The following PCLO variants were observed in gnomAD, a reference collection of about 807,000 sequenced individuals.
The protein encoded by PCLO is protein piccolo.
A neutral mutation model predicts 427.5 loss-of-function variants in PCLO; 82 were observed. The observed-to-expected ratio is 0.19, with a 90% CI of 0.16 to 0.23. PCLO has a LOEUF of 0.23. PCLO is among the 10% of genes least tolerant of loss of function. PCLO has a pLI of 1.00. For missense variants in PCLO, 6,239 were observed against 6,115.9 expected (o/e 1.02, Z -0.67); for synonymous variants, 2,357 against 2,155.4 (o/e 1.09, Z -2.59).
chr7:82,798,659 ATAT>A (rs1375147300), intron 22 of PCLO, among the ~76,000 whole-genome samples: 11 of 152,144 alleles, frequency 7.2e-5, no homozygotes, highest in East Asian at 5.8e-4. Context: ...TGAAAGTCTA[ATAT>A]TATTGCAGTT....
intron 10 of PCLO, among the ~76,000 whole-genome samples, chr7:82,869,049 A>T (rs1793166017): frequency 6.6e-6 from 1 of 152,128 alleles, no homozygotes; most frequent in Non-Finnish European, 1.5e-5. Flanking sequence ...GTTATAACAC[A>T]GACAACTAGG....
At chr7:82,774,721 A>G (rs1220727037) in intron 22 of PCLO, among the ~76,000 whole-genome samples, 1 of 152,192 alleles carries the variant, frequency 6.6e-6, no homozygotes, top group African/African-American at 2.4e-5. Context: ...ATTTGTTACA[A>G]TTGATACACC....
At chr7:83,119,318 G>A (rs1008687978) in intron 3 of PCLO, among the ~76,000 whole-genome samples, 1 of 152,148 alleles carries the variant, frequency 6.6e-6, no homozygotes, top group African/African-American at 2.4e-5. Flanking sequence ...CCAGCACAGA[G>A]AGAGAGGCTC....
chr7:82,774,581 A>C (rs1227747781), intron 22 of PCLO, among the ~76,000 whole-genome samples: 1 of 152,106 alleles, frequency 6.6e-6, no homozygotes. Context: ...AATTTTTTTA[A>C]AGATTGGTTT....
intron 3 of PCLO, among the ~76,000 whole-genome samples, chr7:82,996,656 T>C (rs1202655272): frequency 6.6e-6 from 1 of 152,048 alleles, no homozygotes; most frequent in Non-Finnish European, 1.5e-5. Flanking sequence ...GATTTTCACA[T>C]GGTTTCTTTG....
intron 22 of PCLO, among the ~76,000 whole-genome samples, chr7:82,781,468 G>A (rs1240994860): frequency 1.1e-5 from 1 of 92,350 alleles, no homozygotes; most frequent in Non-Finnish European, 2.2e-5. Context: ...CCCCCAACAG[G>A]CCCTGATGTG....
intron 3 of PCLO, among the ~76,000 whole-genome samples, chr7:83,061,079 C>T (rs1398554845): frequency 6.6e-6 from 1 of 152,114 alleles, no homozygotes; most frequent in African/African-American, 2.4e-5. Context: ...CATTTAGTGG[C>T]TTGAAACAAC....
At chr7:83,053,641 G>A (rs1183361097) in intron 3 of PCLO, among the ~76,000 whole-genome samples, 1 of 151,766 alleles carries the variant, frequency 6.6e-6, no homozygotes, top group Non-Finnish European at 1.5e-5. Flanking sequence ...ATTGACCAGG[G>A]AATTGAGCCA....
At chr7:82,784,204 A>G (rs1357261976) in intron 22 of PCLO, among the ~76,000 whole-genome samples, 1 of 152,060 alleles carries the variant, frequency 6.6e-6, no homozygotes, top group Non-Finnish European at 1.5e-5. Flanking sequence ...GTCCCACACC[A>G]TGTTGTGAGA....
At chr7:82,903,149 G>A (rs1044528006) in intron 8 of PCLO, among the ~76,000 whole-genome samples, 3 of 152,048 alleles carry the variant, frequency 2.0e-5, no homozygotes, top group South Asian at 2.1e-4. Flanking sequence ...CAGCAATTAA[G>A]TTGTGCCGGG....
intron 3 of PCLO, among the ~76,000 whole-genome samples, chr7:83,066,548 C>A (rs1017922090): frequency 7.9e-5 from 12 of 152,102 alleles, no homozygotes; most frequent in African/African-American, 2.9e-4. Flanking sequence ...AATTTTAATT[C>A]ATTTTTATTT....
At chr7:83,048,795 A>G (rs1789163449) in intron 3 of PCLO, among the ~76,000 whole-genome samples, 1 of 152,104 alleles carries the variant, frequency 6.6e-6, no homozygotes, top group African/African-American at 2.4e-5. Context: ...AAAGAGCACC[A>G]TATTACAAAG....
chr7:83,024,739 C>G (rs2116085292), intron 3 of PCLO, among the ~76,000 whole-genome samples: 1 of 152,282 alleles, frequency 6.6e-6, no homozygotes, highest in Admixed American at 6.5e-5. Flanking sequence ...GTGGTTCTCC[C>G]AGTACGCAGC....
At chr7:82,951,770 AAAG>A in intron 5 of PCLO, 83 bp downstream of exon 5, 2 of 1,498,590 alleles carry the variant, frequency 1.3e-6, no homozygotes, top group African/African-American at 1.4e-5. Flanking sequence ...CAAAACTGGA[AAAG>A]AAGCCACATT....
intron 22 of PCLO, among the ~76,000 whole-genome samples, chr7:82,776,826 C>CTA (rs1352737048): frequency 1.4e-3 from 88 of 64,696 alleles, no homozygotes; most frequent in Non-Finnish European, 1.1e-3. Flanking sequence ...CTCTCTCTCT[C>CTA]TCTATATATA....
chr7:83,146,096 T>C (rs1262446303), intron 2 of PCLO, among the ~76,000 whole-genome samples: 4 of 152,228 alleles, frequency 2.6e-5, no homozygotes, highest in Non-Finnish European at 1.5e-5. Flanking sequence ...CAGTTTGAAA[T>C]GCATGGTGTT....
chr7:82,984,750 C>A (rs868267081), intron 3 of PCLO, among the ~76,000 whole-genome samples: 7 of 151,908 alleles, frequency 4.6e-5, no homozygotes, highest in African/African-American at 1.7e-4. Context: ...ATGCCTCTAT[C>A]CCTGGGAAAA....
At chr7:83,129,837 G>A (rs939843783) in intron 3 of PCLO, among the ~76,000 whole-genome samples, 3 of 152,004 alleles carry the variant, frequency 2.0e-5, no homozygotes, top group East Asian at 1.9e-4. Flanking sequence ...CATTAACTAC[G>A]TAAAAATGCA....
chr7:82,806,523 G>GT (rs1791460903), intron 20 of PCLO, among the ~76,000 whole-genome samples: 2 of 152,150 alleles, frequency 1.3e-5, no homozygotes, highest in African/African-American at 4.8e-5. Context: ...AAATTATGCA[G>GT]TAGGGGTATA....
Sources: gnomAD v4.1 joint callset for allele counts (sites outside exome capture counted in the v4.1 genomes callset) on GRCh38, gnomAD v4.1.1 for gene constraint, MANE v1.5 for transcripts, NCBI Gene and HGNC (gene_info 2026-07-23, HGNC 2026-07-21) for gene names.